The following KY variants were observed in gnomAD, a reference collection of about 807,000 sequenced individuals.
KY encodes kyphoscoliosis peptidase.
A neutral mutation model predicts 76.1 loss-of-function variants in KY; 43 were observed. The observed-to-expected ratio is 0.57, with a 90% CI of 0.44 to 0.73. KY has a LOEUF of 0.73. Among genes scored for constraint, KY ranks in the 30% least tolerant of loss-of-function variants. The pLI, the probability that KY is intolerant of heterozygous loss-of-function variation, is 0.00. For missense variants in KY, 722 were observed against 828.9 expected (o/e 0.87, Z 1.58); for synonymous variants, 277 against 326.2 (o/e 0.85, Z 1.63).
chr3:134,637,377 G>A (rs533764393), intron 3 of KY, among the ~76,000 whole-genome samples: 2 of 152,284 alleles, frequency 1.3e-5, no homozygotes, highest in Admixed American at 6.5e-5. Context: ...TTTAAAGTGA[G>A]TGCTAAGTGG....
intron 3 of KY, among the ~76,000 whole-genome samples, chr3:134,640,963 C>T (rs1965673910): frequency 6.6e-6 from 1 of 152,214 alleles, no homozygotes; most frequent in African/African-American, 2.4e-5. Context: ...GCCTCCCAGG[C>T]CCTGCCAACT....
intron 1 of KY, among the ~76,000 whole-genome samples, chr3:134,648,653 A>C (rs1317947670): frequency 6.6e-6 from 1 of 152,002 alleles, no homozygotes; most frequent in African/African-American, 2.4e-5. Flanking sequence ...CTGCAGCCCA[A>C]ATTCCTAGTG....
chr3:134,634,509 G>A (rs902376356), intron 3 of KY, among the ~76,000 whole-genome samples: 1 of 152,142 alleles, frequency 6.6e-6, no homozygotes, highest in African/African-American at 2.4e-5. Flanking sequence ...CAAAAGAATA[G>A]ATATTTTACT....
At chr3:134,644,574 T>A (rs1966205182) in intron 2 of KY, among the ~76,000 whole-genome samples, 1 of 152,236 alleles carries the variant, frequency 6.6e-6, no homozygotes, top group Admixed American at 6.5e-5. Context: ...TATAGCTTCC[T>A]GCTGGCTTGC....
intron 4 of KY, 80 bp from the exon 5 acceptor site, chr3:134,627,898 G>T: frequency 8.6e-7 from 1 of 1,157,194 alleles, no homozygotes; most frequent in Non-Finnish European, 1.3e-6. Flanking sequence ...CCTTCTGGTG[G>T]TCCTTGCTTT....
chr3:134,620,736 C>A lies in KY; in HGVS notation c.592+13G>T. On this transcript the variant is annotated intron_variant, in intron 7 of 10. Coordinates refer to ENST00000423778, the MANE Select transcript of KY (RefSeq NM_178554.6). ...AGGGATTCTAGAGCCAGAAATTCCA[C>A]AGGGGGGCCTACCTATGTGATGGCA... The A allele has an allele frequency of 6.2e-7, 1 of 1,601,840 alleles. No individual in the cohort carries two copies. Among genetic ancestry groups the A allele is most frequent in the South Asian group, 1.1e-5 (1 of 90,202 alleles).
At chr3:134,609,015 C>A (rs1959793069) in intron 9 of KY, among the ~76,000 whole-genome samples, 176 bp from the exon 10 acceptor site, 1 of 152,208 alleles carries the variant, frequency 6.6e-6, no homozygotes, top group African/African-American at 2.4e-5. Context: ...GTAGTCAAGG[C>A]AGGGTCTGAG....
chr3:134,628,165 A>C, intron 4 of KY: 1 of 289,534 alleles, frequency 3.5e-6, no homozygotes, highest in Non-Finnish European at 6.6e-6. Context: ...GCTTTCTTGA[A>C]TCCACTGCCA....
intron 2 of KY, among the ~76,000 whole-genome samples, chr3:134,644,717 C>G (rs933221132): frequency 6.6e-6 from 1 of 152,194 alleles, no homozygotes; most frequent in African/African-American, 2.4e-5. Context: ...CAGTGGTTCC[C>G]GTGCCTGGGC....
intron 3 of KY, among the ~76,000 whole-genome samples, chr3:134,634,643 A>G (rs1252583232): frequency 6.6e-6 from 1 of 152,242 alleles, no homozygotes; most frequent in East Asian, 1.9e-4. Flanking sequence ...ACAATATGCA[A>G]CTGGCCCTTG....
intron 10 of KY, 130 bp downstream of exon 10, chr3:134,608,519 T>C (rs1439538651): frequency 6.3e-7 from 1 of 1,579,730 alleles, no homozygotes; most frequent in East Asian, 2.3e-5. Context: ...ACACAAGCTT[T>C]GTGCTAAGCT....
chr3:134,624,563 C>G (rs1428065902), intron 6 of KY, among the ~76,000 whole-genome samples: 3 of 152,228 alleles, frequency 2.0e-5, no homozygotes, highest in Admixed American at 2.0e-4. Flanking sequence ...TCTGCTCCTC[C>G]CACCTGCACC....
At position 134,601,689 on chromosome 3, in the gene KY, C is replaced by T. The variant is rs1259897669; in HGVS notation, c.*1890G>A. On this transcript the variant is annotated 3_prime_UTR_variant, in exon 11 of 11. Transcript: ENST00000423778. ...GAGACTGCGGAGGGCGCAGGACCTG[C>T]CCAGGACAGTTCAGCCCCCCAGGGG... Among the ~76,000 whole-genome samples the T allele has an allele frequency of 1.3e-5, 2 of 152,226 alleles. No homozygotes were observed. Among genetic ancestry groups the T allele is most frequent in the African/African-American group, 2.4e-5 (1 of 41,470 alleles).
chr3:134,645,460 C>CGGCCTGCTGGTTACCAGGGCTGGGT (rs1966326583), intron 2 of KY, among the ~76,000 whole-genome samples: 1 of 152,154 alleles, frequency 6.6e-6, no homozygotes, highest in Non-Finnish European at 1.5e-5. Context: ...CAGGGCTGGG[C>CGGCCTGCTGGTTACCAGGGCTGGGT]GGCCTGCTGG....
chr3:134,603,006 C>T lies in KY; in HGVS notation c.*573G>A, dbSNP rs1959037521. On this transcript the variant is annotated 3_prime_UTR_variant, in exon 11 of 11. Transcript: ENST00000423778. ...CCCTTTTTCTTGGGCTCTTGAAGAA[C>T]AAGAAGTAGCTAATGAAGAGGCAGC... is the stretch of plus-strand genomic sequence containing the variant. The T allele has an allele frequency of 6.6e-6, 1 of 152,182 alleles. No homozygotes were observed. The highest frequency in any genetic ancestry group is 1.5e-5 in the Non-Finnish European group (1 of 68,050). 9.4% of individuals were successfully genotyped at this position (152,182 alleles called of 1,614,324 possible). A position where few individuals can be genotyped will look rare whatever the true frequency, so the allele number is the denominator to read the frequency against.
intron 3 of KY, among the ~76,000 whole-genome samples, chr3:134,639,464 G>A (rs1018282282): frequency 6.6e-5 from 10 of 152,174 alleles, no homozygotes; most frequent in Non-Finnish European, 1.3e-4. Context: ...CATTAGGAAC[G>A]GAAAACAAAG....
chr3:134,635,717 C>T (rs912168506), intron 3 of KY, among the ~76,000 whole-genome samples: 10 of 151,848 alleles, frequency 6.6e-5, no homozygotes, highest in Admixed American at 2.0e-4. Context: ...TACAAACATT[C>T]GATTTTACTG....
In KY at chr3:134,604,529, T is replaced by C. The variant is rs935397007; in HGVS notation, c.1091-55A>G. 59 of 1,449,876 alleles carry C rather than the reference T, an allele frequency of 4.1e-5. No homozygotes were observed. The Admixed American group carries it at 8.2e-4, about 20-fold the overall frequency. The allele number at this position is 1,449,876 out of a possible 1,614,324, so 89.8% of individuals were successfully genotyped here. ...ATGGGTCCAGCACGTGCTGATGTGC[T>C]GGTAAATGTTTAACAACTGTCTCCC... On this transcript the variant is annotated intron_variant, in intron 10 of 10. Transcript: ENST00000423778.
intron 5 of KY, 108 bp from the exon 6 acceptor site, chr3:134,625,243 C>T: frequency 1.2e-6 from 1 of 834,272 alleles, no homozygotes; most frequent in South Asian, 1.5e-5. Flanking sequence ...ACCTTTAACA[C>T]AATTCTCAAA....
Sources: gnomAD v4.1 joint callset for allele counts (sites outside exome capture counted in the v4.1 genomes callset) on GRCh38, gnomAD v4.1.1 for gene constraint, MANE v1.5 for transcripts, NCBI Gene and HGNC (gene_info 2026-07-23, HGNC 2026-07-21) for gene names.